Variants in SLC6A7 observed in about 807,000 individuals in gnomAD.
SLC6A7 encodes sodium-dependent proline transporter.
Under a neutral mutation model 73.1 loss-of-function variants are expected in SLC6A7, and 58 were observed. The observed-to-expected ratio is 0.79, with a 90% CI of 0.64 to 0.99. SLC6A7 has a LOEUF of 0.99. Ranked by LOEUF, SLC6A7 falls within the 50% of genes least tolerant of loss-of-function variation. The probability of loss-of-function intolerance (pLI) is 0.00; values close to 1 mark genes in which losing one functional copy is unlikely to be tolerated. For synonymous variants in SLC6A7, 338 were observed against 338.7 expected (o/e 1.00, Z 0.02); for missense variants, 783 against 831.4 (o/e 0.94, Z 0.72).
rs1562087124 is a variant in SLC6A7 at position 150,198,827 on chromosome 5, TGTGTG to T, written c.585-400_585-396del. Among the ~76,000 whole-genome samples, 550 of 149,662 alleles carry T rather than the reference TGTGTG, an allele frequency of 3.7e-3. 3 individuals carry two copies. The highest frequency in any genetic ancestry group is 5.7e-3 in the Non-Finnish European group (381 of 67,230). ...GCCCTGGATGGTGTGTGTGTGTGTG[TGTGTG>T]TGTGTGTGTGTGTGTGTGTGTGTGT... On this transcript the variant is annotated intron_variant, in intron 4 of 13. Coordinates refer to ENST00000230671, the MANE Select transcript of SLC6A7 (RefSeq NM_014228.5).
At position 150,198,117 on chromosome 5, in the gene SLC6A7, G is replaced by GAAAGAA. The variant is rs1753166455; in HGVS notation, c.584+843_584+848dup. Reference sequence around the variant, plus strand: ...AAAGAAAGAAAGAAAGAAAGAAAGAGAAAGAAAGAAAGAAAGAAAGAAAGC... The same window carrying GAAAGAA: ...AAAGAAAGAAAGAAAGAAAGAAAGAGAAAGAAAAAGAAAGAAAGAAAGAAAGAAAGC... On this transcript the variant is annotated intron_variant, in intron 4 of 13. Transcript: ENST00000230671. Among the ~76,000 whole-genome samples the GAAAGAA allele has an allele frequency of 1.5e-3, 89 of 57,656 alleles. 4 individuals are homozygous for GAAAGAA. The highest frequency in any genetic ancestry group is 2.8e-3 in the African/African-American group (78 of 28,038). 37.8% of individuals were successfully genotyped at this position (57,656 alleles called of 152,430 possible).
intron 13 of SLC6A7, among the ~76,000 whole-genome samples, chr5:150,207,157 AT>A (rs1008876756): frequency 1.6e-4 from 25 of 151,790 alleles, no homozygotes; most frequent in African/African-American, 5.6e-4. Flanking sequence ...TATTTTATTT[AT>A]TTTTTTTGTT....
intron 13 of SLC6A7, 129 bp downstream of exon 13, chr5:150,205,752 T>C: frequency 1.3e-6 from 1 of 798,680 alleles, no homozygotes; most frequent in Non-Finnish European, 1.9e-6. Context: ...GAGACTTGCC[T>C]GGGCTGAGGC....
At position 150,202,468 on chromosome 5, in the gene SLC6A7, TC is replaced by T. The variant is rs774894289; in HGVS notation, c.962+21del. On this transcript the variant is annotated intron_variant, in intron 7 of 13. Transcript: ENST00000230671. ...ATCTATAGGTCAGTGTCCCACAGCC[TC>T]CCAGACCCTGGGGTCCAAAGCAGGG... The T allele has an allele frequency of 2.5e-6, 4 of 1,611,908 alleles. No individual in the cohort carries two copies. The Admixed American group carries it at 6.7e-5, about 27-fold the overall frequency.
Position 150,201,193 on chromosome 5 carries a change from C to G in SLC6A7, c.828C>G (p.Thr276=). Residue 276 remains threonine, a synonymous_variant, in exon 6 of 14, where the codon ACC becomes ACG. Transcript: ENST00000230671. Reference sequence around the variant, plus strand: ...GGAAGGGCATCCAGTTCTATCTCACCCCCCAGTTCCACCACTTGTTGTCTT... The same window carrying G: ...GGAAGGGCATCCAGTTCTATCTCACGCCCCAGTTCCACCACTTGTTGTCTT... The part of the protein sequence containing the change: ...GAWKGIQFYL[T]PQFHHLLSSK... 1 of 1,613,062 alleles carries G rather than the reference C, an allele frequency of 6.2e-7. No individual in the cohort carries two copies.
chr5:150,204,798 G>A (rs760196681), intron 11 of SLC6A7, 29 bp from the exon 12 acceptor site: 4 of 1,522,478 alleles, frequency 2.6e-6, no homozygotes, highest in South Asian at 1.1e-5. Flanking sequence ...CGGCGGGTGG[G>A]GCCATTCCTC....
At chr5:150,201,055 C>A in intron 5 of SLC6A7, 34 bp from the exon 6 acceptor site, 1 of 1,611,060 alleles carries the variant, frequency 6.2e-7, no homozygotes, top group Non-Finnish European at 8.5e-7. Context: ...TCAAGGTCCC[C>A]GATGCCATCA....
intron 6 of SLC6A7, among the ~76,000 whole-genome samples, chr5:150,202,069 CTG>C (rs1422161414): frequency 1.3e-5 from 2 of 152,220 alleles, no homozygotes; most frequent in East Asian, 3.8e-4. Flanking sequence ...ACATTAGGCT[CTG>C]TGTCCTTCAG....
chr5:150,203,820 G>GTGGTGT (rs1554116761), intron 9 of SLC6A7, 41 bp downstream of exon 9: 51 of 802,500 alleles, frequency 6.4e-5, no homozygotes, highest in African/African-American at 3.2e-4. Flanking sequence ...GTGTGTGTGT[G>GTGGTGT]GTGTGTGTGT....
At position 150,204,937 on chromosome 5, in the gene SLC6A7, G is replaced by A. The variant is rs1410290997; in HGVS notation, c.1533+10G>A. On this transcript the variant is annotated intron_variant, in intron 12 of 13. Coordinates refer to ENST00000230671, the MANE Select transcript of SLC6A7 (RefSeq NM_014228.5). Reference sequence around the variant, plus strand: ...CCCAGCCACGCTCTTGGTAACTGGGGAGGGCGGGAGGGTTTCTGGCTGGGG... The same window carrying A: ...CCCAGCCACGCTCTTGGTAACTGGGAAGGGCGGGAGGGTTTCTGGCTGGGG... The A allele has an allele frequency of 1.9e-6, 2 of 1,067,544 alleles. No homozygotes were observed. The highest frequency in any genetic ancestry group is 1.7e-5 in the Admixed American group (1 of 58,250). The allele number at this position is 1,067,544 out of a possible 1,614,324, so 66.1% of individuals were successfully genotyped here. A position where few individuals can be genotyped will look rare whatever the true frequency, so the allele number is the denominator to read the frequency against.
At chr5:150,203,010 G>A (rs765411657) in intron 8 of SLC6A7, among the ~76,000 whole-genome samples, 1 of 151,752 alleles carries the variant, frequency 6.6e-6, no homozygotes, top group Non-Finnish European at 1.5e-5. Context: ...GGAGGTGGAG[G>A]TTGCAATGAG....
Position 150,203,741 on chromosome 5 carries a change from T to C in SLC6A7, c.1162T>C (p.Phe388Leu). The change falls in exon 9 of 14, where the codon TTC becomes CTC. Residue 388 changes from phenylalanine to leucine, a missense_variant. Coordinates refer to ENST00000230671, the MANE Select transcript of SLC6A7 (RefSeq NM_014228.5). ...TCTGTCACCCTTCTGGTCCTTTCTC[T>C]TCTTCTTCATGCTTCTGACTCTCGG... ...LPLSPFWSFL[F>L]FFMLLTLGLD... is the part of the protein sequence containing the mutation. The C allele has an allele frequency of 3.7e-6, 6 of 1,610,286 alleles. No individual in the cohort carries two copies. The highest frequency in any genetic ancestry group is 1.1e-5 in the South Asian group (1 of 90,968).
In SLC6A7 at chr5:150,197,296, C is replaced by A; in HGVS notation, c.584+20C>A. On this transcript the variant is annotated intron_variant, in intron 4 of 13. Coordinates refer to ENST00000230671, the MANE Select transcript of SLC6A7 (RefSeq NM_014228.5). ...CTGGAGGTCAGGCAGCTGCTGGCCCCGCGGCATCTGAGGGGACCCTGCACT... is the reference window on the plus strand; with the variant it reads ...CTGGAGGTCAGGCAGCTGCTGGCCCAGCGGCATCTGAGGGGACCCTGCACT... 6.5e-7 allele frequency: 1 copy of A among 1,536,588 alleles called. No homozygotes were observed. Among genetic ancestry groups the A allele is most frequent in the South Asian group, 1.2e-5 (1 of 83,644 alleles).
At chr5:150,192,834 G>A (rs1337322388) in intron 1 of SLC6A7, among the ~76,000 whole-genome samples, 1 of 152,166 alleles carries the variant, frequency 6.6e-6, no homozygotes, top group East Asian at 1.9e-4. Flanking sequence ...GGCCTGAATG[G>A]TGCTGGGATG....
intron 5 of SLC6A7, 74 bp from the exon 6 acceptor site, chr5:150,201,015 A>G (rs1236172525): frequency 6.5e-7 from 1 of 1,538,416 alleles, no homozygotes; most frequent in Non-Finnish European, 8.9e-7. Flanking sequence ...GGCAAGTGAC[A>G]CAGATGAGTT....
At position 150,203,823 on chromosome 5, in the gene SLC6A7, GTGT is replaced by G. The variant is rs769046563; in HGVS notation, c.1200+45_1200+47del. 1.1e-3 allele frequency: 883 copies of G among 827,216 alleles called. 3 individuals carry two copies. In the African/African-American group the frequency reaches 0.016, roughly 15 times the overall value. 51.2% of individuals were successfully genotyped at this position (827,216 alleles called of 1,614,324 possible). ...AGCAGGCACCCCGTGTGTGTGTGGTGTGTGTGTGTGTGTGTGTGTGTGTGTGTG... is the reference window on the plus strand; with the variant it reads ...AGCAGGCACCCCGTGTGTGTGTGGTGGTGTGTGTGTGTGTGTGTGTGTGTG... On this transcript the variant is annotated intron_variant, in intron 9 of 13. Coordinates refer to ENST00000230671, the MANE Select transcript of SLC6A7 (RefSeq NM_014228.5).
intron 13 of SLC6A7, among the ~76,000 whole-genome samples, chr5:150,207,225 G>A (rs181995934): frequency 1.3e-5 from 2 of 152,180 alleles, no homozygotes; most frequent in East Asian, 3.9e-4. Flanking sequence ...GAGACAGTAA[G>A]CATAGTATCC....
chr5:150,191,436 GT>G (rs70973567), intron 1 of SLC6A7, among the ~76,000 whole-genome samples: 68 of 145,744 alleles, frequency 4.7e-4, no homozygotes, highest in African/African-American at 9.6e-4. Context: ...TCTTTTTCTT[GT>G]TTTTTTTTTT....
chr5:150,195,075 C>T (rs1360760642), intron 2 of SLC6A7, 164 bp downstream of exon 2: 1 of 583,544 alleles, frequency 1.7e-6, no homozygotes, highest in Non-Finnish European at 3.0e-6. Context: ...AGGAGTTTAC[C>T]CTGTCTTGTC....
Sources: gnomAD v4.1 joint callset for allele counts (sites outside exome capture counted in the v4.1 genomes callset) on GRCh38, gnomAD v4.1.1 for gene constraint, MANE v1.5 for transcripts, NCBI Gene and HGNC (gene_info 2026-07-23, HGNC 2026-07-21) for gene names.